Variants in ZNF891 observed in about 807,000 individuals in gnomAD.
ZNF891 encodes zinc finger protein 891.
For synonymous variants in ZNF891, 199 were observed against 209.0 expected (o/e 0.95, Z 0.41); for missense variants, 589 against 632.7 (o/e 0.93, Z 0.74).
chr12:133,121,767 T>G lies in ZNF891; in HGVS notation c.152A>C (p.Glu51Ala), dbSNP rs768980417. Residue 51 changes from glutamate (E) to alanine (A), a missense_variant, in exon 2 of 2, where the codon GAG becomes GCG. Glu to Ala is a moderately radical substitution (Grantham distance 107). Transcript: ENST00000537226. ...EPMTFKDVAV[E>A]FTQEEWMMLD... ...CATCATCCACTCCTCCTGAGTGAAC[T>G]CCACAGCTACATCTTTGAAAGTCAT... 2.5e-5 allele frequency: 39 copies of G among 1,536,848 alleles called. No homozygotes were observed. The highest frequency in any genetic ancestry group is 3.3e-5 in the Non-Finnish European group (38 of 1,147,020).
Position 133,116,464 on chromosome 12 carries a change from C to G in ZNF891, c.*3820G>C, listed in dbSNP as rs954649116. 14 of 152,236 alleles carry G rather than the reference C, an allele frequency of 9.2e-5. No individual in the cohort carries two copies. Among genetic ancestry groups the G allele is most frequent in the African/African-American group, 3.1e-4 (13 of 41,432 alleles). 9.4% of individuals were successfully genotyped at this position (152,236 alleles called of 1,614,324 possible). A position where few individuals can be genotyped will look rare whatever the true frequency, so the allele number is the denominator to read the frequency against. On this transcript the variant is annotated 3_prime_UTR_variant, in exon 2 of 2. Transcript: ENST00000537226. ...CTATACCCACCAGGGCTGCTAACAC[C>G]TGAAACCACTTGGTTTCACAGCATG...
rs1486569219 is a variant in ZNF891 at position 133,112,020 on chromosome 12, ACT to A, written c.*8262_*8263del. On this transcript the variant is annotated 3_prime_UTR_variant, in exon 2 of 2. Coordinates refer to ENST00000537226, the MANE Select transcript of ZNF891 (RefSeq NM_001277291.2). ...TGAAAAACTTAAATAGTTCCTCATA[ACT>A]CTTCAAATAAAGTATAAACTCATGT... 6.6e-6 allele frequency: 1 copy of A among 152,064 alleles called. No individual in the cohort carries two copies. Among genetic ancestry groups the A allele is most frequent in the African/African-American group, 2.4e-5 (1 of 41,390 alleles). The allele number at this position is 152,064 out of a possible 1,614,324, so 9.4% of individuals were successfully genotyped here.
In ZNF891 at chr12:133,121,812, G is replaced by A. The variant is rs61749570; in HGVS notation, c.107C>T (p.Thr36Ile). The A allele has an allele frequency of 0.025, 38,465 of 1,536,788 alleles. 611 individuals carry two copies. The highest frequency in any genetic ancestry group is 0.03 in the Non-Finnish European group (33,857 of 1,147,006). Reference protein sequence around the residue: ...EEERMIAVFLTTWLQEPMTFK... With the variant: ...EEERMIAVFLITWLQEPMTFK... ...AGTCATTGGTTCCTGTAACCAGGTT[G>A]TCAGAAATACAGCAATCATCCTTTC... is the stretch of plus-strand genomic sequence containing the variant. Residue 36 changes from threonine (T) to isoleucine (I), a missense_variant, in exon 2 of 2, where the codon ACA (threonine) becomes ATA (isoleucine). Coordinates refer to ENST00000537226, the MANE Select transcript of ZNF891 (RefSeq NM_001277291.2).
In ZNF891 at chr12:133,107,416, G is replaced by T. The variant is rs543391803; in HGVS notation, c.*12868C>A. The T allele has an allele frequency of 1.3e-5, 2 of 151,974 alleles. No homozygotes were observed. Among genetic ancestry groups the T allele is most frequent in the South Asian group, 4.1e-4 (2 of 4,820 alleles). 9.4% of individuals were successfully genotyped at this position (151,974 alleles called of 1,614,324 possible). ...AGAAAATGTTATAAATAAATCTTTTGGTTTATTATAAACCTTCTGCTTGCT... is the reference window on the plus strand; with the variant it reads ...AGAAAATGTTATAAATAAATCTTTTTGTTTATTATAAACCTTCTGCTTGCT... On this transcript the variant is annotated 3_prime_UTR_variant, in exon 2 of 2. Coordinates refer to ENST00000537226, the MANE Select transcript of ZNF891 (RefSeq NM_001277291.2).
In ZNF891 at chr12:133,111,717, A is replaced by C. The variant is rs1028593786; in HGVS notation, c.*8567T>G. The C allele has an allele frequency of 1.3e-5, 2 of 152,208 alleles. No homozygotes were observed. Among genetic ancestry groups the C allele is most frequent in the African/African-American group, 4.8e-5 (2 of 41,454 alleles). The allele number at this position is 152,208 out of a possible 1,614,324, so 9.4% of individuals were successfully genotyped here. A position where few individuals can be genotyped will look rare whatever the true frequency, so the allele number is the denominator to read the frequency against. ...CATTTCTTAAGTTAGAGGTGAATTT[A>C]AGTCATGACATGTATTAGCCATGAA... On this transcript the variant is annotated 3_prime_UTR_variant, in exon 2 of 2. Transcript: ENST00000537226.
At chr12:133,124,232 G>T (rs1043755715) in intron 1 of ZNF891, among the ~76,000 whole-genome samples, 2 of 152,128 alleles carry the variant, frequency 1.3e-5, no homozygotes, top group African/African-American at 4.8e-5. Flanking sequence ...AATCGGTGGG[G>T]GGAAGGATGA....
At chr12:133,123,726 A>AACAC (rs1006899332) in intron 1 of ZNF891, among the ~76,000 whole-genome samples, 5 of 142,634 alleles carry the variant, frequency 3.5e-5, no homozygotes, top group Non-Finnish European at 6.1e-5. Flanking sequence ...AAAAAACAAA[A>AACAC]ACACACACAA....
intron 1 of ZNF891, among the ~76,000 whole-genome samples, chr12:133,129,381 A>G (rs1364531261): frequency 6.6e-6 from 1 of 151,924 alleles, no homozygotes. Flanking sequence ...CATGTCTGTA[A>G]TCCCGGCAAC....
At position 133,107,203 on chromosome 12, in the gene ZNF891, A is replaced by T. The variant is rs1259197514; in HGVS notation, c.*13081T>A. 2 of 152,350 alleles carry T rather than the reference A, an allele frequency of 1.3e-5. No individual in the cohort carries two copies. The highest frequency in any genetic ancestry group is 2.9e-5 in the Non-Finnish European group (2 of 68,152). 9.4% of individuals were successfully genotyped at this position (152,350 alleles called of 1,614,324 possible). On this transcript the variant is annotated 3_prime_UTR_variant, in exon 2 of 2. Coordinates refer to ENST00000537226, the MANE Select transcript of ZNF891 (RefSeq NM_001277291.2). ...TGTAGGAGAAAAAGCAACTGTATAA[A>T]TGAATGTAGAGTGACTTTCTGCAAT...
In ZNF891 at chr12:133,118,168, C is replaced by G. The variant is rs569962877; in HGVS notation, c.*2116G>C. On this transcript the variant is annotated 3_prime_UTR_variant, in exon 2 of 2. Transcript: ENST00000537226. ...CCATGTTGGCCAGGATGGTCTCGAT[C>G]TGACCTTGTGATCCGCCTGCCTCAG... is the stretch of plus-strand genomic sequence containing the variant. 9.2e-5 allele frequency: 14 copies of G among 152,282 alleles called. No individual in the cohort carries two copies. Among genetic ancestry groups the G allele is most frequent in the African/African-American group, 3.4e-4 (14 of 41,538 alleles). The allele number at this position is 152,282 out of a possible 1,614,324, so 9.4% of individuals were successfully genotyped here. A position where few individuals can be genotyped will look rare whatever the true frequency, so the allele number is the denominator to read the frequency against.
In ZNF891 at chr12:133,108,605, T is replaced by G. The variant is rs937692653; in HGVS notation, c.*11679A>C. On this transcript the variant is annotated 3_prime_UTR_variant, in exon 2 of 2. Transcript: ENST00000537226. ...CCATAAAGGTTAAACATTTACTATCTAGCCCTTTACAGAAAAACTTGGCCA... is the reference window on the plus strand; with the variant it reads ...CCATAAAGGTTAAACATTTACTATCGAGCCCTTTACAGAAAAACTTGGCCA... 6.6e-6 allele frequency: 1 copy of G among 152,244 alleles called. No homozygotes were observed. The highest frequency in any genetic ancestry group is 1.5e-5 in the Non-Finnish European group (1 of 68,016). The allele number at this position is 152,244 out of a possible 1,614,324, so 9.4% of individuals were successfully genotyped here.
rs1955657253 is a variant in ZNF891, at chr12:133,108,687, G to A, written c.*11597C>T. 6.6e-6 allele frequency: 1 copy of A among 152,206 alleles called. No homozygotes were observed. The highest frequency in any genetic ancestry group is 2.1e-4 in the South Asian group (1 of 4,830). The allele number at this position is 152,206 out of a possible 1,614,324, so 9.4% of individuals were successfully genotyped here. ...GTTTTTGTTGAGTGCAGCCAACATT[G>A]AGAACGTTTACTTTGGAGCAATCTC... On this transcript the variant is annotated 3_prime_UTR_variant, in exon 2 of 2. Coordinates refer to ENST00000537226, the MANE Select transcript of ZNF891 (RefSeq NM_001277291.2).
At position 133,120,643 on chromosome 12, in the gene ZNF891, G is replaced by A; in HGVS notation, c.1276C>T (p.His426Tyr). Residue 426 changes from histidine (H) to tyrosine (Y), a missense_variant, in exon 2 of 2, where the codon CAC becomes TAC. By Grantham distance (83) the His-to-Tyr change is moderately conservative. Transcript: ENST00000537226. The stretch of plus-strand genomic sequence containing the variant: ...CATTCATAGAGTTTTTCTCCAGTGT[G>A]TATTCTCTTGTGCACTATAAGGTAA... ...SSYLIVHKRI[H>Y]TGEKLYECSE... The A allele has an allele frequency of 1.3e-6, 2 of 1,558,650 alleles. No homozygotes were observed. Among genetic ancestry groups the A allele is most frequent in the South Asian group, 2.4e-5 (2 of 84,892 alleles).
chr12:133,105,105 TA>T lies in ZNF891; in HGVS notation c.*15178del, dbSNP rs1242029856. Reference sequence around the variant, plus strand: ...TTATTATAAGATGTTCCAGAGGCACTAAGTGAACAGAATCTAATGTCTTTGT... The same window carrying T: ...TTATTATAAGATGTTCCAGAGGCACTAGTGAACAGAATCTAATGTCTTTGT... On this transcript the variant is annotated 3_prime_UTR_variant, in exon 2 of 2. Transcript: ENST00000537226. Among the ~76,000 whole-genome samples the T allele has an allele frequency of 6.6e-6, 1 of 152,226 alleles. No individual in the cohort carries two copies. Among genetic ancestry groups the T allele is most frequent in the Non-Finnish European group, 1.5e-5 (1 of 68,048 alleles).
chr12:133,114,226 A>G lies in ZNF891; in HGVS notation c.*6058T>C, dbSNP rs965509076. On this transcript the variant is annotated 3_prime_UTR_variant, in exon 2 of 2. Transcript: ENST00000537226. ...AGAGAGGAGAAGGACTAGGAGAGGG[A>G]CATAATATAAATAACATTAAACTGC... 3 of 152,216 alleles carry G rather than the reference A, an allele frequency of 2.0e-5. No individual in the cohort carries two copies. The highest frequency in any genetic ancestry group is 7.2e-5 in the African/African-American group (3 of 41,450). 9.4% of individuals were successfully genotyped at this position (152,216 alleles called of 1,614,324 possible). A position where few individuals can be genotyped will look rare whatever the true frequency, so the allele number is the denominator to read the frequency against.
chr12:133,129,033 A>G (rs900885070), intron 1 of ZNF891, among the ~76,000 whole-genome samples: 7 of 152,258 alleles, frequency 4.6e-5, no homozygotes, highest in African/African-American at 1.7e-4. Context: ...TTACAGCAGT[A>G]AAATATTAAA....
In ZNF891 at chr12:133,106,437, G is replaced by C. The variant is rs759689828; in HGVS notation, c.*13847C>G. On this transcript the variant is annotated 3_prime_UTR_variant, in exon 2 of 2. Transcript: ENST00000537226. ...CACACTGGAGAGAAACCCTATGCGT[G>C]TGCTGAATGTGATAAAGCCTTCAGC... The C allele has an allele frequency of 3.1e-6, 5 of 1,614,090 alleles. No individual in the cohort carries two copies. Among genetic ancestry groups the C allele is most frequent in the Non-Finnish European group, 4.2e-6 (5 of 1,180,006 alleles).
chr12:133,125,436 C>G (rs1955805332), intron 1 of ZNF891: 1 of 154,372 alleles, frequency 6.5e-6, no homozygotes, highest in African/African-American at 2.4e-5. Flanking sequence ...ATATAATGTC[C>G]AAGATTTGCT....
At chr12:133,122,372 T>C in intron 1 of ZNF891, 2 of 306,142 alleles carry the variant, frequency 6.5e-6, no homozygotes, top group African/African-American at 2.3e-5. Context: ...TTTTTAACTT[T>C]TGGGGACAGA....
Sources: allele counts gnomAD v4.1 joint callset (sites outside exome capture counted in the v4.1 genomes callset), GRCh38; gene constraint gnomAD v4.1.1; transcripts MANE v1.5; gene names NCBI Gene and HGNC (gene_info 2026-07-23, HGNC 2026-07-21).